Variants in ZBTB20 observed in about 807,000 individuals in gnomAD.
The protein encoded by ZBTB20 is zinc finger and BTB domain-containing protein 20.
In ZBTB20, 9 loss-of-function variants were observed where a neutral mutation model predicts 56.9. The observed-to-expected ratio is 0.16, with a 90% CI of 0.10 to 0.28. ZBTB20 has a LOEUF of 0.28. ZBTB20 is among the 10% of genes least tolerant of loss of function. The pLI is 1.00. For synonymous variants in ZBTB20, 417 were observed against 420.7 expected, an observed-to-expected ratio of 0.99 and a Z score of 0.11; for missense variants, 655 against 1,003.0, an observed-to-expected ratio of 0.65 and a Z score of 4.69.
chr3:114,703,848 C>T (rs879456214), intron 5 of ZBTB20, among the ~76,000 whole-genome samples: 2 of 152,146 alleles, frequency 1.3e-5, no homozygotes, highest in Admixed American at 1.3e-4. Context: ...TAGAACGAAA[C>T]CAACTCATTT....
intron 4 of ZBTB20, among the ~76,000 whole-genome samples, chr3:114,843,248 A>G (rs2074472566): frequency 6.6e-6 from 1 of 152,170 alleles, no homozygotes; most frequent in Non-Finnish European, 1.5e-5. Flanking sequence ...ATCCAAGTAT[A>G]AGAGAAAACA....
chr3:115,055,551 T>C (rs2081743025), intron 2 of ZBTB20, among the ~76,000 whole-genome samples: 2 of 152,140 alleles, frequency 1.3e-5, no homozygotes, highest in Admixed American at 6.6e-5. Flanking sequence ...ACACCCACTA[T>C]GAGAAATCCA....
chr3:114,487,346 A>C (rs567706357), intron 7 of ZBTB20, among the ~76,000 whole-genome samples: 2 of 152,316 alleles, frequency 1.3e-5, no homozygotes, highest in South Asian at 4.1e-4. Flanking sequence ...GGTAGAGGAT[A>C]AGCCATTTCC....
At chr3:114,920,685 C>G (rs2075923690) in intron 3 of ZBTB20, among the ~76,000 whole-genome samples, 1 of 151,412 alleles carries the variant, frequency 6.6e-6, no homozygotes, top group Non-Finnish European at 1.5e-5. Flanking sequence ...AACTTCACAC[C>G]TCAAAAAATT....
At position 114,591,035 on chromosome 3, in the gene ZBTB20, C is replaced by A. The variant is rs1039509796; in HGVS notation, c.-294-90644G>T. ...AGAGAGAAAGCCTTGTTTCCCACTT[C>A]TCATCACTTGCTTAACAGCTACTAT... is the stretch of plus-strand genomic sequence containing the variant. On this transcript the variant is annotated intron_variant, in intron 6 of 11. Transcript: ENST00000675478. Among the ~76,000 whole-genome samples the A allele has an allele frequency of 3.9e-5, 6 of 152,212 alleles. No individual in the cohort carries two copies. In the East Asian group the frequency reaches 1.2e-3, roughly 29 times the overall value.
At chr3:115,049,119 T>C (rs922598310) in intron 2 of ZBTB20, among the ~76,000 whole-genome samples, 2 of 152,196 alleles carry the variant, frequency 1.3e-5, no homozygotes, top group African/African-American at 4.8e-5. Context: ...CAGTGCTCTC[T>C]TAGCCATCAT....
At chr3:114,384,704 T>A (rs2084874986) in intron 8 of ZBTB20, among the ~76,000 whole-genome samples, 1 of 152,248 alleles carries the variant, frequency 6.6e-6, no homozygotes, top group South Asian at 2.1e-4. Context: ...CTCATTGTGC[T>A]GGCCCCAGCA....
rs147477132 is a variant in ZBTB20 at position 114,859,638 on chromosome 3, A to G, written c.-417+40666T>C. On this transcript the variant is annotated intron_variant, in intron 4 of 11. Coordinates refer to ENST00000675478, the MANE Select transcript of ZBTB20 (RefSeq NM_001348800.3). ...GGTCAAGCTATTTCCAAACATTCTT[A>G]TAATGGCCTCCAATATTCCACACTG... is the stretch of plus-strand genomic sequence containing the variant. Among the ~76,000 whole-genome samples, 1,122 of 143,522 alleles carry G rather than the reference A, an allele frequency of 7.8e-3. 5 individuals are homozygous for G. Among genetic ancestry groups the G allele is most frequent in the Non-Finnish European group, 0.012 (835 of 67,190 alleles). 94.2% of individuals were successfully genotyped at this position (143,522 alleles called of 152,430 possible).
intron 6 of ZBTB20, among the ~76,000 whole-genome samples, chr3:114,620,318 G>C (rs1306867421): frequency 1.3e-5 from 2 of 151,956 alleles, no homozygotes; most frequent in Non-Finnish European, 2.9e-5. Flanking sequence ...TTGAGATGGA[G>C]TTTTGCTCTT....
chr3:114,421,520 C>T (rs1476771841), intron 7 of ZBTB20, among the ~76,000 whole-genome samples: 1 of 152,146 alleles, frequency 6.6e-6, no homozygotes, highest in Non-Finnish European at 1.5e-5. Context: ...AACTTTTGTA[C>T]TGGGTCATGC....
intron 4 of ZBTB20, among the ~76,000 whole-genome samples, chr3:114,846,274 G>A (rs2074700651): frequency 6.6e-6 from 1 of 152,194 alleles, no homozygotes; most frequent in Non-Finnish European, 1.5e-5. Context: ...TTCCTCCTCA[G>A]AGAGCTTGCT....
chr3:114,574,639 G>A (rs1292209148), intron 6 of ZBTB20, among the ~76,000 whole-genome samples: 1 of 151,994 alleles, frequency 6.6e-6, no homozygotes, highest in Non-Finnish European at 1.5e-5. Context: ...TAACACCATA[G>A]TCTGAGCTCT....
chr3:115,120,587 T>C (rs544835458), intron 1 of ZBTB20, among the ~76,000 whole-genome samples: 4 of 152,182 alleles, frequency 2.6e-5, no homozygotes, highest in South Asian at 2.1e-4. Context: ...AGAATGTCAA[T>C]TGCCTTAACC....
At position 114,481,197 on chromosome 3, in the gene ZBTB20, G is replaced by C. The variant is rs147437297; in HGVS notation, c.-255+19155C>G. On this transcript the variant is annotated intron_variant, in intron 7 of 11. Transcript: ENST00000675478. ...TTCTGTAAGACGGTTTGAGTGCCTT[G>C]AGATCCAAGTCTTTAGGTCAAGACT... Among the ~76,000 whole-genome samples, 37 of 151,368 alleles carry C rather than the reference G, an allele frequency of 2.4e-4. No individual in the cohort carries two copies. In the East Asian group the frequency reaches 6.8e-3, roughly 28 times the overall value.
At chr3:114,497,575 C>CT (rs1292787922) in intron 7 of ZBTB20, among the ~76,000 whole-genome samples, 3 of 152,206 alleles carry the variant, frequency 2.0e-5, no homozygotes, top group Non-Finnish European at 4.4e-5. Flanking sequence ...ACTCTTCTGA[C>CT]TTTAAGACCC....
chr3:114,531,825 C>T (rs2047875158), intron 6 of ZBTB20, among the ~76,000 whole-genome samples: 1 of 152,186 alleles, frequency 6.6e-6, no homozygotes, highest in African/African-American at 2.4e-5. Context: ...ACAGTGGGTG[C>T]AGCCCACAGA....
chr3:114,922,618 G>GT (rs146614783), intron 3 of ZBTB20, among the ~76,000 whole-genome samples: 2 of 152,138 alleles, frequency 1.3e-5, no homozygotes, highest in Non-Finnish European at 2.9e-5. Flanking sequence ...AAGAGAAAAA[G>GT]TTTTTTTGGC....
In ZBTB20 at chr3:114,844,020, T is replaced by C. The variant is rs933448830; in HGVS notation, c.-416-42846A>G. Among the ~76,000 whole-genome samples, 3 of 152,012 alleles carry C rather than the reference T, an allele frequency of 2.0e-5. No homozygotes were observed. The East Asian group carries it at 5.8e-4, about 29-fold the overall frequency. On this transcript the variant is annotated intron_variant, in intron 4 of 11. Transcript: ENST00000675478. ...ATAAAGACTTGTGCACAGATGCTCA[T>C]TGCTACTTTATTTGTATTGCTAAAA...
At chr3:114,972,794 A>G (rs1560451556) in intron 3 of ZBTB20, among the ~76,000 whole-genome samples, 1 of 152,080 alleles carries the variant, frequency 6.6e-6, no homozygotes, top group Non-Finnish European at 1.5e-5. Context: ...CAGATAACCA[A>G]TCACCAAACA....
Sources: allele counts gnomAD v4.1 joint callset (sites outside exome capture counted in the v4.1 genomes callset), GRCh38; gene constraint gnomAD v4.1.1; transcripts MANE v1.5; gene names NCBI Gene and HGNC (gene_info 2026-07-23, HGNC 2026-07-21).